The following PLCB1 variants were observed in gnomAD, a reference collection of about 807,000 sequenced individuals.
The protein encoded by PLCB1 is 1-phosphatidylinositol 4,5-bisphosphate phosphodiesterase beta-1.
PLCB1 carries 46 observed loss-of-function variants against 161.8 expected under a neutral mutation model. That is an observed-to-expected ratio of 0.28 (90% CI 0.22 to 0.36). PLCB1 has a LOEUF of 0.36. Ranked by LOEUF, PLCB1 falls within the 10% of genes least tolerant of loss-of-function variation. The pLI is 1.00. For missense variants in PLCB1, 1,016 were observed against 1,472.5 expected, an observed-to-expected ratio of 0.69 and a Z score of 5.07; for synonymous variants, 517 against 503.7, an observed-to-expected ratio of 1.03 and a Z score of -0.35.
chr20:8,532,595 A>G (rs988471617), intron 3 of PLCB1, among the ~76,000 whole-genome samples: 2 of 152,226 alleles, frequency 1.3e-5, no homozygotes, highest in African/African-American at 4.8e-5. Context: ...CATTAAACAG[A>G]AATAGAGCAA....
chr20:8,756,974 C>T (rs1424453289), intron 23 of PLCB1, 72 bp from the exon 24 acceptor site: 8 of 1,367,748 alleles, frequency 5.8e-6, no homozygotes, highest in African/African-American at 1.4e-5. Flanking sequence ...TAAAATGTAG[C>T]CTTGTTGGTT....
intron 2 of PLCB1, among the ~76,000 whole-genome samples, chr20:8,179,744 C>A (rs536449324): frequency 6.6e-6 from 1 of 150,816 alleles, no homozygotes; most frequent in East Asian, 2.0e-4. Context: ...AAGGGGAATG[C>A]GTCCAGCTTT....
At chr20:8,545,618 C>G (rs1233400724) in intron 3 of PLCB1, among the ~76,000 whole-genome samples, 1 of 152,030 alleles carries the variant, frequency 6.6e-6, no homozygotes, top group Admixed American at 6.6e-5. Flanking sequence ...AACATTGTAT[C>G]AAAAAATTGG....
intron 3 of PLCB1, among the ~76,000 whole-genome samples, chr20:8,593,323 C>A (rs951908106): frequency 1.3e-5 from 2 of 152,048 alleles, no homozygotes; most frequent in Non-Finnish European, 2.9e-5. Context: ...CCTGCACAAG[C>A]CACCATGCCC....
At chr20:8,235,673 T>C (rs1432832476) in intron 2 of PLCB1, among the ~76,000 whole-genome samples, 2 of 152,092 alleles carry the variant, frequency 1.3e-5, no homozygotes, top group African/African-American at 4.8e-5. Flanking sequence ...AATATTAGAA[T>C]TGTCATTTTA....
At chr20:8,329,319 A>AT (rs1568634024) in intron 2 of PLCB1, among the ~76,000 whole-genome samples, 4 of 141,386 alleles carry the variant, frequency 2.8e-5, no homozygotes, top group Admixed American at 7.4e-5. Context: ...TAAAATAAAT[A>AT]CTTTTTTTTT....
chr20:8,584,652 G>T, intron 3 of PLCB1, among the ~76,000 whole-genome samples: 1 of 151,886 alleles, frequency 6.6e-6, no homozygotes, highest in East Asian at 1.9e-4. Context: ...AGTTGGAGCA[G>T]GAGTAATCTA....
At chr20:8,229,623 A>T (rs1017897870) in intron 2 of PLCB1, among the ~76,000 whole-genome samples, 2 of 152,198 alleles carry the variant, frequency 1.3e-5, no homozygotes, top group South Asian at 2.1e-4. Context: ...GAACATTTCC[A>T]TCATCGCAGA....
chr20:8,693,116 C>T (rs950547155), intron 10 of PLCB1, among the ~76,000 whole-genome samples: 1 of 152,162 alleles, frequency 6.6e-6, no homozygotes, highest in East Asian at 1.9e-4. Context: ...ATGTTTGCCT[C>T]CCTACCTGGA....
chr20:8,843,653 G>T (rs974695543), intron 31 of PLCB1, among the ~76,000 whole-genome samples: 7 of 151,942 alleles, frequency 4.6e-5, no homozygotes, highest in African/African-American at 1.4e-4. Flanking sequence ...TATAAATAAT[G>T]AGAAAGAATA....
At chr20:8,374,265 A>T (rs1986999268) in intron 3 of PLCB1, among the ~76,000 whole-genome samples, 1 of 152,092 alleles carries the variant, frequency 6.6e-6, no homozygotes, top group African/African-American at 2.4e-5. Flanking sequence ...GTTCCTCCTG[A>T]GTTCACTCTC....
intron 2 of PLCB1, among the ~76,000 whole-genome samples, chr20:8,256,120 A>T (rs1981399204): frequency 6.6e-6 from 1 of 152,112 alleles, no homozygotes; most frequent in Admixed American, 6.6e-5. Flanking sequence ...AACTAAGGAC[A>T]CATTTCTCAG....
At chr20:8,468,809 AATG>A (rs1368573281) in intron 3 of PLCB1, among the ~76,000 whole-genome samples, 1 of 152,204 alleles carries the variant, frequency 6.6e-6, no homozygotes, top group Non-Finnish European at 1.5e-5. Flanking sequence ...GTGCTATAAA[AATG>A]ATATTAATTT....
rs2123585570 is a variant in PLCB1 at position 8,765,123 on chromosome 20, T to C, written c.2711-16T>C. On this transcript the variant is annotated splice_polypyrimidine_tract_variant and intron_variant, in intron 25 of 31. Coordinates refer to ENST00000338037, the MANE Select transcript of PLCB1 (RefSeq NM_015192.4). ...AGCCCTCCCATTCCCTTAGCTTTCA[T>C]ATTCATTTGTTGCAGAAGTGGAAGC... 1 of 1,602,126 alleles carries C rather than the reference T, an allele frequency of 6.2e-7. No homozygotes were observed. Among genetic ancestry groups the C allele is most frequent in the Non-Finnish European group, 8.5e-7 (1 of 1,172,864 alleles).
chr20:8,683,552 G>A (rs1013819729), intron 9 of PLCB1, among the ~76,000 whole-genome samples: 2 of 152,100 alleles, frequency 1.3e-5, no homozygotes, highest in Non-Finnish European at 1.5e-5. Flanking sequence ...TGAAGATTAT[G>A]ACAAAAAATT....
intron 2 of PLCB1, among the ~76,000 whole-genome samples, chr20:8,220,158 TC>T (rs1979330832): frequency 6.6e-6 from 1 of 152,198 alleles, no homozygotes; most frequent in Non-Finnish European, 1.5e-5. Context: ...TGACTTAAAA[TC>T]TTGGTATCAT....
chr20:8,316,279 A>G (rs1441450476), intron 2 of PLCB1, among the ~76,000 whole-genome samples: 1 of 152,164 alleles, frequency 6.6e-6, no homozygotes, highest in Non-Finnish European at 1.5e-5. Flanking sequence ...ATATGCTCTT[A>G]GACACATTTT....
chr20:8,553,482 T>C (rs1985839416), intron 3 of PLCB1, among the ~76,000 whole-genome samples: 1 of 152,176 alleles, frequency 6.6e-6, no homozygotes, highest in Admixed American at 6.6e-5. Flanking sequence ...GAGCTCTTTA[T>C]TTTTTAAAAA....
chr20:8,776,063 T>C (rs1384316492), intron 27 of PLCB1, among the ~76,000 whole-genome samples: 1 of 152,186 alleles, frequency 6.6e-6, no homozygotes, highest in Non-Finnish European at 1.5e-5. Context: ...GATCCGGCTA[T>C]AACCACTGCC....
Sources: gnomAD v4.1 joint callset for allele counts (sites outside exome capture counted in the v4.1 genomes callset) on GRCh38, gnomAD v4.1.1 for gene constraint, MANE v1.5 for transcripts, NCBI Gene and HGNC (gene_info 2026-07-23, HGNC 2026-07-21) for gene names.